The following CPNE4 variants were observed in gnomAD, a reference collection of about 807,000 sequenced individuals.
CPNE4 encodes the protein copine 4.
CPNE4 carries 25 observed loss-of-function variants against 67.9 expected under a neutral mutation model. The ratio of observed to expected loss-of-function variants is 0.37; its 90% confidence interval spans 0.27 to 0.51. The LOEUF (loss-of-function observed/expected upper bound fraction) is 0.51. Among genes scored for constraint, CPNE4 ranks in the 20% least tolerant of loss-of-function variants. CPNE4 has a pLI of 0.93. For missense variants in CPNE4, 464 were observed against 690.8 expected, an observed-to-expected ratio of 0.67 and a Z score of 3.68; for synonymous variants, 242 against 244.9, an observed-to-expected ratio of 0.99 and a Z score of 0.11.
intron 7 of CPNE4, among the ~76,000 whole-genome samples, chr3:131,650,616 G>A (rs2079787156): frequency 6.7e-6 from 1 of 149,672 alleles, no homozygotes; most frequent in Non-Finnish European, 1.5e-5. Context: ...GTGGTGGTGG[G>A]CGCCTGTAGT....
chr3:131,811,822 A>G (rs1232302711), intron 2 of CPNE4, among the ~76,000 whole-genome samples: 1 of 152,202 alleles, frequency 6.6e-6, no homozygotes, highest in Non-Finnish European at 1.5e-5. Context: ...TATTAAGTGC[A>G]TCATCTCACT....
Position 131,685,901 on chromosome 3 carries a change from T to A in CPNE4, c.565A>T (p.Thr189Ser). ...LEIFRMNDDATQQLVHRTEVV... is the reference protein window; with the variant it reads ...LEIFRMNDDASQQLVHRTEVV... ...TCAGTTCGGTGCACCAGCTGCTGAG[T>A]TGCATCATCATTCATACGAAAAATT... The change falls in exon 6 of 16, where the codon ACT becomes TCT. Residue 189 changes from threonine (T) to serine (S), a missense_variant. Around this residue, in one of 6 missense-constraint regions of CPNE4, gnomAD observed 58 missense variants for 63.5 expected, o/e 0.91. Transcript: ENST00000429747. The A allele has an allele frequency of 6.2e-7, 1 of 1,613,250 alleles. No homozygotes were observed. Among genetic ancestry groups the A allele is most frequent in the Non-Finnish European group, 8.5e-7 (1 of 1,179,272 alleles).
At chr3:131,776,569 A>G (rs2083295430) in intron 2 of CPNE4, among the ~76,000 whole-genome samples, 1 of 152,156 alleles carries the variant, frequency 6.6e-6, no homozygotes, top group Admixed American at 6.6e-5. Context: ...TGTTCCAGTC[A>G]GCTTCAAACT....
At chr3:131,934,662 T>C (rs2071171183) in intron 1 of CPNE4, among the ~76,000 whole-genome samples, 1 of 152,082 alleles carries the variant, frequency 6.6e-6, no homozygotes. Context: ...GAACATGCAG[T>C]GTTTGGTTTT....
chr3:131,616,216 C>A (rs1222549770), intron 7 of CPNE4, among the ~76,000 whole-genome samples: 1 of 152,004 alleles, frequency 6.6e-6, no homozygotes, highest in Non-Finnish European at 1.5e-5. Context: ...AAGCAGTTAG[C>A]TGTGGGAGTA....
chr3:131,906,896 A>G (rs536173236), intron 1 of CPNE4, among the ~76,000 whole-genome samples: 1 of 151,986 alleles, frequency 6.6e-6, no homozygotes, highest in East Asian at 1.9e-4. Context: ...CTATTTCTCC[A>G]CATCCTCTCC....
chr3:131,902,668 T>C (rs1337458215), intron 2 of CPNE4, among the ~76,000 whole-genome samples: 2 of 152,120 alleles, frequency 1.3e-5, no homozygotes, highest in Non-Finnish European at 2.9e-5. Context: ...ATAATAATCA[T>C]ATGAGAATAT....
chr3:131,802,453 G>A (rs1358356889), intron 2 of CPNE4, among the ~76,000 whole-genome samples: 1 of 152,146 alleles, frequency 6.6e-6, no homozygotes, highest in Non-Finnish European at 1.5e-5. Flanking sequence ...CTTCTGGTTT[G>A]CACAGAAGAA....
intron 2 of CPNE4, among the ~76,000 whole-genome samples, chr3:131,845,027 T>C (rs1344974824): frequency 6.6e-6 from 1 of 152,234 alleles, no homozygotes; most frequent in Non-Finnish European, 1.5e-5. Flanking sequence ...TACTTCAAAC[T>C]ATATTTCAAA....
At chr3:131,901,849 G>A (rs1026744379) in intron 2 of CPNE4, among the ~76,000 whole-genome samples, 2 of 144,338 alleles carry the variant, frequency 1.4e-5, no homozygotes, top group Non-Finnish European at 3.2e-5. Flanking sequence ...GCCAGTGTCT[G>A]TGGTGTAAAT....
intron 2 of CPNE4, among the ~76,000 whole-genome samples, chr3:131,839,372 T>C (rs1204438013): frequency 6.6e-6 from 1 of 151,638 alleles, no homozygotes; most frequent in East Asian, 1.9e-4. Flanking sequence ...AAAATGCTTA[T>C]AATATAATGT....
intron 7 of CPNE4, among the ~76,000 whole-genome samples, chr3:131,615,676 TATATAGGC>T (rs1354821070): frequency 6.6e-6 from 1 of 152,144 alleles, no homozygotes; most frequent in African/African-American, 2.4e-5. Flanking sequence ...AAGTTTGGTT[TATATAGGC>T]ATCTCAGGCT....
rs539991130 is a variant in CPNE4 at position 131,895,213 on chromosome 3, G to A, written c.180+10051C>T. 2.0e-5 allele frequency among the ~76,000 whole-genome samples: 3 copies of A among 152,120 alleles called. No homozygotes were observed. In the South Asian group the frequency reaches 6.2e-4, roughly 32 times the overall value. ...ACAGTGGATACCAGAGGCTGAGAAG[G>A]GGAGGAGAGAGGAGTGGATGAGATG... On this transcript the variant is annotated intron_variant, in intron 2 of 15. Coordinates refer to ENST00000429747, the MANE Select transcript of CPNE4 (RefSeq NM_130808.3).
intron 1 of CPNE4, among the ~76,000 whole-genome samples, chr3:131,927,373 A>G (rs1186917168): frequency 1.3e-5 from 2 of 152,084 alleles, no homozygotes; most frequent in Non-Finnish European, 2.9e-5. Context: ...AAACTCCCTA[A>G]TATAGCACAC....
chr3:131,589,895 T>G (rs916871402), intron 7 of CPNE4, among the ~76,000 whole-genome samples: 1 of 152,082 alleles, frequency 6.6e-6, no homozygotes, highest in Non-Finnish European at 1.5e-5. Context: ...AAGGTAATGG[T>G]CAAGTTGAAT....
In CPNE4 at chr3:131,533,627, C is replaced by A. The variant is rs1934994168; in HGVS notation, c.*1568G>T. The A allele has an allele frequency of 6.6e-6, 1 of 152,162 alleles. No individual in the cohort carries two copies. Among genetic ancestry groups the A allele is most frequent in the Non-Finnish European group, 1.5e-5 (1 of 68,026 alleles). 9.4% of individuals were successfully genotyped at this position (152,162 alleles called of 1,614,324 possible). A position where few individuals can be genotyped will look rare whatever the true frequency, so the allele number is the denominator to read the frequency against. The stretch of plus-strand genomic sequence containing the variant: ...ATAGCTTAAATATTTATGATTTTTT[C>A]AGTCATACAATTTTACCATCATTCC... On this transcript the variant is annotated 3_prime_UTR_variant, in exon 16 of 16. Coordinates refer to ENST00000429747, the MANE Select transcript of CPNE4 (RefSeq NM_130808.3).
At chr3:131,819,899 T>G (rs1287001661) in intron 2 of CPNE4, among the ~76,000 whole-genome samples, 2 of 152,148 alleles carry the variant, frequency 1.3e-5, no homozygotes, top group Non-Finnish European at 2.9e-5. Flanking sequence ...CTGCTCCCTC[T>G]GGGGAAGAAA....
At chr3:131,555,364 G>A (rs1936404325) in intron 12 of CPNE4, 133 bp downstream of exon 12, 1 of 679,576 alleles carries the variant, frequency 1.5e-6, no homozygotes, top group Non-Finnish European at 2.5e-6. Flanking sequence ...TGATTCTGAA[G>A]ACAATTTCTG....
chr3:131,651,204 C>T (rs1275944198), intron 7 of CPNE4, among the ~76,000 whole-genome samples: 1 of 152,142 alleles, frequency 6.6e-6, no homozygotes, highest in South Asian at 2.1e-4. Flanking sequence ...TCTTCCCATA[C>T]ATAATTTCTC....
Sources: gnomAD v4.1 joint callset for allele counts (sites outside exome capture counted in the v4.1 genomes callset) on GRCh38, gnomAD v4.1.1 for gene constraint, gnomAD v4.1.1 regional missense constraint, MANE v1.5 for transcripts, NCBI Gene and HGNC (gene_info 2026-07-23, HGNC 2026-07-21) for gene names.